Variants in COG5 observed in about 807,000 individuals in gnomAD.
COG5 encodes component of oligomeric golgi complex 5.
COG5 carries 86 observed loss-of-function variants against 110.4 expected under a neutral mutation model. The ratio of observed to expected loss-of-function variants is 0.78; its 90% CI spans 0.65 to 0.93. COG5 has a LOEUF of 0.93. Ranked by LOEUF, COG5 falls within the 40% of genes least tolerant of loss-of-function variation. COG5 has a pLI of 0.00. For synonymous variants in COG5, 360 were observed against 334.6 expected (o/e 1.08, Z -0.83); for missense variants, 1,077 against 987.0 (o/e 1.09, Z -1.22).
At chr7:107,353,552 A>C (rs1257001497) in intron 10 of COG5, among the ~76,000 whole-genome samples, 2 of 152,210 alleles carry the variant, frequency 1.3e-5, no homozygotes, top group African/African-American at 4.8e-5. Flanking sequence ...TGAAAATAAC[A>C]GGATAATTTT....
chr7:107,223,878 T>C (rs1295348412), intron 19 of COG5, among the ~76,000 whole-genome samples: 3 of 152,158 alleles, frequency 2.0e-5, no homozygotes, highest in African/African-American at 7.2e-5. Flanking sequence ...GAGGGCTAAA[T>C]GAGGAAGTAT....
At chr7:107,214,179 C>T (rs1799358154) in intron 19 of COG5, among the ~76,000 whole-genome samples, 1 of 151,892 alleles carries the variant, frequency 6.6e-6, no homozygotes, top group African/African-American at 2.4e-5. Flanking sequence ...AAATTCAACC[C>T]AAAGAGGAGT....
rs574621839 is a variant in COG5, at chr7:107,509,156, G to T, written c.538+18081C>A. Among the ~76,000 whole-genome samples the T allele has an allele frequency of 1.9e-3, 292 of 152,188 alleles. 1 individual carries two copies. The highest frequency in any genetic ancestry group is 3.4e-3 in the Middle Eastern group (1 of 294). On this transcript the variant is annotated intron_variant, in intron 6 of 21. Transcript: ENST00000297135. ...AGAAGTTAAAAACCTTGAAAAAAAAGTAGACGAATGGCTAACTAGAATAAC... is the reference window on the plus strand; with the variant it reads ...AGAAGTTAAAAACCTTGAAAAAAAATTAGACGAATGGCTAACTAGAATAAC...
At position 107,201,473 on chromosome 7, in the gene COG5, T is replaced by C; in HGVS notation, c.*2043A>G. On this transcript the variant is annotated 3_prime_UTR_variant, in exon 22 of 22. Coordinates refer to ENST00000297135, the MANE Select transcript of COG5 (RefSeq NM_006348.5). ...TCTTAAGTCTATATTTGCATATACA[T>C]TGACTCTTGATGGAAAGACTTAAGA... The C allele has an allele frequency of 7.6e-7, 1 of 1,320,918 alleles. No individual in the cohort carries two copies. Among genetic ancestry groups the C allele is most frequent in the Non-Finnish European group, 1.1e-6 (1 of 917,170 alleles). 81.8% of individuals were successfully genotyped at this position (1,320,918 alleles called of 1,614,324 possible).
At chr7:107,439,683 T>C (rs1261757157) in intron 6 of COG5, among the ~76,000 whole-genome samples, 2 of 152,164 alleles carry the variant, frequency 1.3e-5, no homozygotes, top group Non-Finnish European at 1.5e-5. Context: ...TATAATCTAA[T>C]GTAATAGATC....
Position 107,202,698 on chromosome 7 carries a change from G to A in COG5, c.*818C>T, listed in dbSNP as rs1798428855. 6.6e-6 allele frequency: 1 copy of A among 151,978 alleles called. No homozygotes were observed. The highest frequency in any genetic ancestry group is 1.5e-5 in the Non-Finnish European group (1 of 67,994). 9.4% of individuals were successfully genotyped at this position (151,978 alleles called of 1,614,324 possible). A position where few individuals can be genotyped will look rare whatever the true frequency, so the allele number is the denominator to read the frequency against. Reference sequence around the variant, plus strand: ...AAAATTAAAAACAATGTTAATAGTGGAACAAGAGCCATCAGAAAATAAGGA... The same window carrying A: ...AAAATTAAAAACAATGTTAATAGTGAAACAAGAGCCATCAGAAAATAAGGA... On this transcript the variant is annotated 3_prime_UTR_variant, in exon 22 of 22. Transcript: ENST00000297135.
chr7:107,215,594 G>A (rs769559802), intron 19 of COG5, among the ~76,000 whole-genome samples: 4 of 151,734 alleles, frequency 2.6e-5, no homozygotes, highest in Admixed American at 6.6e-5. Context: ...AACCCGGGAG[G>A]CAGAGTTTGC....
chr7:107,269,004 C>A (rs907481646), intron 14 of COG5, among the ~76,000 whole-genome samples: 4 of 151,964 alleles, frequency 2.6e-5, no homozygotes, highest in Non-Finnish European at 4.4e-5. Context: ...ATTTTACTAC[C>A]TTATTATAAA....
chr7:107,406,538 G>C (rs1273980722), intron 7 of COG5, among the ~76,000 whole-genome samples: 2 of 151,758 alleles, frequency 1.3e-5, no homozygotes, highest in Non-Finnish European at 2.9e-5. Context: ...TTGACAACTG[G>C]TAAAAATGTG....
At chr7:107,402,078 A>T (rs1791477253) in intron 7 of COG5, among the ~76,000 whole-genome samples, 1 of 152,200 alleles carries the variant, frequency 6.6e-6, no homozygotes, top group Non-Finnish European at 1.5e-5. Context: ...TATACTATAT[A>T]GATATTTATC....
chr7:107,373,189 T>C (rs1028077954), intron 7 of COG5, among the ~76,000 whole-genome samples: 1 of 152,172 alleles, frequency 6.6e-6, no homozygotes, highest in African/African-American at 2.4e-5. Flanking sequence ...ATTCATTATA[T>C]TTCACTGACC....
chr7:107,348,160 A>T (rs908359470), intron 10 of COG5, among the ~76,000 whole-genome samples: 3 of 151,192 alleles, frequency 2.0e-5, no homozygotes, highest in African/African-American at 7.3e-5. Flanking sequence ...AATTTTGTCA[A>T]ATACTCTTTC....
At chr7:107,465,019 C>T (rs181102457) in intron 6 of COG5, among the ~76,000 whole-genome samples, 2 of 152,156 alleles carry the variant, frequency 1.3e-5, no homozygotes, top group Non-Finnish European at 2.9e-5. Flanking sequence ...TCTGTTAGGG[C>T]TTTGCATTCT....
intron 1 of COG5, among the ~76,000 whole-genome samples, chr7:107,560,522 C>T (rs553549874): frequency 2.0e-5 from 3 of 152,254 alleles, no homozygotes; most frequent in Admixed American, 2.0e-4. Context: ...TAACTTAGAC[C>T]ACTAGACACT....
At chr7:107,266,360 T>C (rs905325175) in intron 14 of COG5, among the ~76,000 whole-genome samples, 3 of 152,214 alleles carry the variant, frequency 2.0e-5, no homozygotes, top group Admixed American at 1.3e-4. Flanking sequence ...ACAGAACATG[T>C]ACCTGAAGAA....
At chr7:107,338,023 C>T (rs750416750) in intron 10 of COG5, among the ~76,000 whole-genome samples, 2 of 152,086 alleles carry the variant, frequency 1.3e-5, no homozygotes, top group Non-Finnish European at 2.9e-5. Flanking sequence ...CCATAATGCA[C>T]TGAACAATGG....
intron 6 of COG5, among the ~76,000 whole-genome samples, chr7:107,464,968 C>G (rs1304240343): frequency 6.6e-6 from 1 of 152,158 alleles, no homozygotes; most frequent in Admixed American, 6.6e-5. Context: ...AGGTTGCTAG[C>G]TACAACCCCT....
At chr7:107,215,680 C>CAA (rs1799473606) in intron 19 of COG5, among the ~76,000 whole-genome samples, 1 of 151,954 alleles carries the variant, frequency 6.6e-6, no homozygotes, top group East Asian at 1.9e-4. Context: ...AACAAACAAA[C>CAA]AAACAAACCC....
At chr7:107,344,328 A>G (rs565606572) in intron 10 of COG5, among the ~76,000 whole-genome samples, 1 of 152,204 alleles carries the variant, frequency 6.6e-6, no homozygotes, top group African/African-American at 2.4e-5. Context: ...TTTTTCCCTT[A>G]AACCTCATGA....
Sources: allele counts gnomAD v4.1 joint callset (sites outside exome capture counted in the v4.1 genomes callset), GRCh38; gene constraint gnomAD v4.1.1; transcripts MANE v1.5; gene names NCBI Gene and HGNC (gene_info 2026-07-23, HGNC 2026-07-21).